Variants in TFEC observed in about 807,000 individuals in gnomAD.
TFEC encodes the protein class E basic helix-loop-helix protein 34.
TFEC carries 31 observed loss-of-function variants against 41.6 expected under a neutral mutation model. That is an observed-to-expected ratio of 0.74 (90% CI 0.56 to 1.01). The LOEUF is 1.01. TFEC is among the 50% of genes least tolerant of loss of function. The pLI, the probability that TFEC is intolerant of heterozygous loss-of-function variation, is 0.00. For missense variants in TFEC, 402 were observed against 404.1 expected (o/e 0.99, Z 0.04); for synonymous variants, 143 against 140.6 (o/e 1.02, Z -0.12).
intron 1 of TFEC, among the ~76,000 whole-genome samples, chr7:116,002,609 G>A (rs1794641036): frequency 6.6e-6 from 1 of 152,014 alleles, no homozygotes; most frequent in Non-Finnish European, 1.5e-5. Flanking sequence ...AGTGTTTTAT[G>A]GCACAACAGG....
intron 1 of TFEC, among the ~76,000 whole-genome samples, chr7:116,128,413 C>T (rs1562979789): frequency 1.3e-5 from 2 of 152,190 alleles, no homozygotes; most frequent in East Asian, 3.9e-4. Context: ...TCTACACATA[C>T]AATAACTAAA....
intron 3 of TFEC, among the ~76,000 whole-genome samples, chr7:116,107,723 G>A (rs1025057001): frequency 1.3e-5 from 2 of 152,142 alleles, no homozygotes; most frequent in African/African-American, 4.8e-5. Flanking sequence ...AATAAAGCTA[G>A]TGAGAAAGTA....
intron 1 of TFEC, among the ~76,000 whole-genome samples, chr7:116,016,012 G>A (rs954137207): frequency 6.6e-6 from 1 of 152,158 alleles, no homozygotes; most frequent in Non-Finnish European, 1.5e-5. Context: ...AGAATGTTAA[G>A]TAAAGGACTT....
At chr7:116,132,250 C>T (rs1798347963) in intron 1 of TFEC, among the ~76,000 whole-genome samples, 1 of 152,098 alleles carries the variant, frequency 6.6e-6, no homozygotes, top group African/African-American at 2.4e-5. Context: ...CTAACTCTAC[C>T]ATAAACCATA....
intron 3 of TFEC, among the ~76,000 whole-genome samples, chr7:116,065,540 T>C (rs940465682): frequency 2.0e-5 from 3 of 152,136 alleles, no homozygotes; most frequent in Admixed American, 1.3e-4. Flanking sequence ...GGGAAGTCAG[T>C]TGATAATGCT....
chr7:115,948,978 G>A (rs1459279347), intron 6 of TFEC, among the ~76,000 whole-genome samples: 1 of 151,718 alleles, frequency 6.6e-6, no homozygotes, highest in Non-Finnish European at 1.5e-5. Context: ...ATCTCCTTAA[G>A]CTGATAAGCA....
intron 7 of TFEC, chr7:115,941,534 A>C (rs1288214703): frequency 2.1e-5 from 5 of 243,376 alleles, no homozygotes; most frequent in African/African-American, 1.1e-4. Flanking sequence ...TAGTATTATT[A>C]TTTGATTAGG....
chr7:116,037,683 A>T (rs1279717707), intron 3 of TFEC, among the ~76,000 whole-genome samples: 1 of 152,010 alleles, frequency 6.6e-6, no homozygotes, highest in East Asian at 1.9e-4. Flanking sequence ...TTCCAATAGC[A>T]TTTAATAACT....
intron 1 of TFEC, among the ~76,000 whole-genome samples, chr7:116,014,293 G>A (rs1274003763): frequency 1.3e-5 from 2 of 151,982 alleles, no homozygotes; most frequent in Admixed American, 1.3e-4. Flanking sequence ...CATATAAAAT[G>A]TTGGAAAGAA....
chr7:116,012,302 C>T lies in TFEC; in HGVS notation c.-73+18331G>A, dbSNP rs141433857. On this transcript the variant is annotated intron_variant, in intron 1 of 7. Transcript: ENST00000265440. ...GCAAAAGACATTTTGCTTCAGAAAT[C>T]AACAATTGTGTTTAGATGATGTTTT... Among the ~76,000 whole-genome samples, 1,008 of 152,166 alleles carry T rather than the reference C, an allele frequency of 6.6e-3. 11 individuals are homozygous for T. Among genetic ancestry groups the T allele is most frequent in the African/African-American group, 0.023 (950 of 41,534 alleles).
At chr7:116,151,345 C>T (rs1200480911) in intron 1 of TFEC, among the ~76,000 whole-genome samples, 2 of 150,188 alleles carry the variant, frequency 1.3e-5, no homozygotes, top group African/African-American at 4.9e-5. Context: ...TGGACTCAAG[C>T]AATTCGCCTG....
chr7:116,045,302 C>T (rs954474655), intron 3 of TFEC, among the ~76,000 whole-genome samples: 6 of 152,220 alleles, frequency 3.9e-5, no homozygotes, highest in East Asian at 1.9e-4. Flanking sequence ...ATGAGACTGG[C>T]GGCATTTTGC....
intron 1 of TFEC, among the ~76,000 whole-genome samples, chr7:116,145,689 A>T (rs1429671310): frequency 6.6e-6 from 1 of 152,216 alleles, no homozygotes; most frequent in African/African-American, 2.4e-5. Context: ...AACCCAAGTT[A>T]TTTTGGATTA....
intron 1 of TFEC, among the ~76,000 whole-genome samples, chr7:116,116,024 C>A (rs1387756226): frequency 6.6e-6 from 1 of 151,880 alleles, no homozygotes; most frequent in African/African-American, 2.4e-5. Flanking sequence ...CCAAATCATG[C>A]CTCTTAACTA....
chr7:115,968,062 C>G (rs959783970), intron 3 of TFEC: 16 of 932,402 alleles, frequency 1.7e-5, no homozygotes, highest in Non-Finnish European at 2.2e-5. Context: ...ATATTTTATG[C>G]GTTTCAAAGC....
chr7:116,076,565 T>C (rs1326538709), intron 3 of TFEC, among the ~76,000 whole-genome samples: 2 of 151,906 alleles, frequency 1.3e-5, no homozygotes, highest in East Asian at 3.9e-4. Flanking sequence ...GTGAAATAAA[T>C]AGCATAAATA....
intron 2 of TFEC, among the ~76,000 whole-genome samples, chr7:115,981,696 A>G (rs1028719528): frequency 3.3e-5 from 5 of 152,226 alleles, no homozygotes; most frequent in African/African-American, 1.2e-4. Flanking sequence ...CAGCGTTGCT[A>G]TGAAAACTCA....
At chr7:116,049,144 T>A (rs1283239006) in intron 3 of TFEC, among the ~76,000 whole-genome samples, 1 of 152,140 alleles carries the variant, frequency 6.6e-6, no homozygotes, top group East Asian at 1.9e-4. Context: ...TAACCTTAAA[T>A]GTAAATGGGC....
chr7:115,991,988 G>C (rs966329992), intron 1 of TFEC, among the ~76,000 whole-genome samples: 1 of 152,112 alleles, frequency 6.6e-6, no homozygotes, highest in East Asian at 1.9e-4. Context: ...TAAAAGAACA[G>C]AAAATATAAC....
Sources: gnomAD v4.1 joint callset for allele counts (sites outside exome capture counted in the v4.1 genomes callset) on GRCh38, gnomAD v4.1.1 for gene constraint, MANE v1.5 for transcripts, NCBI Gene and HGNC (gene_info 2026-07-23, HGNC 2026-07-21) for gene names.